The following KCND2 variants were observed in gnomAD, a reference collection of about 807,000 sequenced individuals.
The protein encoded by KCND2 is A-type voltage-gated potassium channel KCND2.
KCND2 carries 16 observed loss-of-function variants against 54.4 expected under a neutral mutation model. That is an observed-to-expected ratio of 0.29 (90% CI 0.20 to 0.45). The LOEUF (loss-of-function observed/expected upper bound fraction) is 0.45, where lower values mean the gene tolerates loss of function less well. Ranked by LOEUF, KCND2 falls within the 20% of genes least tolerant of loss-of-function variation. KCND2 has a pLI of 1.00. For missense variants in KCND2, 486 were observed against 824.2 expected (o/e 0.59, Z 5.02); for synonymous variants, 317 against 310.7 (o/e 1.02, Z -0.21).
At chr7:120,530,404 T>C (rs1011264565) in intron 1 of KCND2, among the ~76,000 whole-genome samples, 4 of 152,196 alleles carry the variant, frequency 2.6e-5, no homozygotes, top group African/African-American at 9.6e-5. Context: ...CCATTTTTTC[T>C]ACTCCTGAAA....
chr7:120,560,226 A>G (rs1358086802), intron 1 of KCND2, among the ~76,000 whole-genome samples: 1 of 152,228 alleles, frequency 6.6e-6, no homozygotes, highest in Non-Finnish European at 1.5e-5. Flanking sequence ...CCAAAGTCCC[A>G]GAAATCATTT....
rs145626165 is a variant in KCND2, at chr7:120,349,327, A to AACACACAC, written c.1115+73596_1115+73603dup. Among the ~76,000 whole-genome samples, 93 of 144,536 alleles carry AACACACAC rather than the reference A, an allele frequency of 6.4e-4. 1 individual carries two copies. The highest frequency in any genetic ancestry group is 1.5e-3 in the African/African-American group (58 of 38,556). The allele number at this position is 144,536 out of a possible 152,430, so 94.8% of individuals were successfully genotyped here. A position where few individuals can be genotyped will look rare whatever the true frequency, so the allele number is the denominator to read the frequency against. ...ACACACAAACACACACACACACACA[A>AACACACAC]ACACACACACACACACACACACAGA... On this transcript the variant is annotated intron_variant, in intron 1 of 5. Coordinates refer to ENST00000331113, the MANE Select transcript of KCND2 (RefSeq NM_012281.3).
intron 1 of KCND2, among the ~76,000 whole-genome samples, chr7:120,605,405 A>G (rs1330917567): frequency 6.6e-6 from 1 of 152,232 alleles, no homozygotes; most frequent in Non-Finnish European, 1.5e-5. Context: ...AGTACATTGT[A>G]TTCAGTGATA....
At chr7:120,563,429 A>G (rs1918465) in intron 1 of KCND2, among the ~76,000 whole-genome samples, 98,422 of 151,948 alleles carry the variant, frequency 0.65, 36,386 homozygotes, top group Middle Eastern at 0.86. Context: ...TTGTGTATAC[A>G]TGAAGCCTAG....
At chr7:120,423,725 A>G (rs1801660704) in intron 1 of KCND2, among the ~76,000 whole-genome samples, 1 of 152,200 alleles carries the variant, frequency 6.6e-6, no homozygotes, top group South Asian at 2.1e-4. Context: ...ATACTGCATT[A>G]CTGGCTCTTG....
At chr7:120,701,349 T>C (rs1792400534) in intron 1 of KCND2, among the ~76,000 whole-genome samples, 1 of 147,528 alleles carries the variant, frequency 6.8e-6, no homozygotes, top group African/African-American at 2.5e-5. Context: ...ATTTCCACCA[T>C]ATTTAAAGTC....
intron 1 of KCND2, among the ~76,000 whole-genome samples, chr7:120,673,865 A>C (rs1025293597): frequency 1.3e-5 from 2 of 150,382 alleles, no homozygotes; most frequent in African/African-American, 4.9e-5. Flanking sequence ...TCTTTCCTTC[A>C]TGCCTTTTTC....
Position 120,638,485 on chromosome 7 carries a change from G to T in KCND2, c.1116-94418G>T, listed in dbSNP as rs566436929. Among the ~76,000 whole-genome samples, 4 of 152,228 alleles carry T rather than the reference G, an allele frequency of 2.6e-5. No homozygotes were observed. In the South Asian group the frequency reaches 8.3e-4, roughly 32 times the overall value. ...CCCCTGCCATCTGGGGAGGGATTTGGATGCTCTACCTAATAACCAGATATT... is the reference window on the plus strand; with the variant it reads ...CCCCTGCCATCTGGGGAGGGATTTGTATGCTCTACCTAATAACCAGATATT... On this transcript the variant is annotated intron_variant, in intron 1 of 5. Transcript: ENST00000331113.
At chr7:120,579,617 TAAA>T (rs1792487869) in intron 1 of KCND2, among the ~76,000 whole-genome samples, 1 of 127,296 alleles carries the variant, frequency 7.9e-6, no homozygotes, top group Non-Finnish European at 1.5e-5. Flanking sequence ...AATAAATAAA[TAAA>T]TAAATAAATA....
chr7:120,745,700 A>G, intron 4 of KCND2, 80 bp from the exon 5 acceptor site: 9 of 1,459,508 alleles, frequency 6.2e-6, no homozygotes, highest in Non-Finnish European at 8.6e-6. Flanking sequence ...GGCAGATTTG[A>G]GCTTTAAAAA....
At chr7:120,713,154 C>T (rs1792562290) in intron 1 of KCND2, among the ~76,000 whole-genome samples, 1 of 152,100 alleles carries the variant, frequency 6.6e-6, no homozygotes, top group South Asian at 2.1e-4. Context: ...GCATAGTGTC[C>T]AATAAATGTT....
chr7:120,389,166 C>T (rs1283843767), intron 1 of KCND2, among the ~76,000 whole-genome samples: 1 of 151,686 alleles, frequency 6.6e-6, no homozygotes, highest in Non-Finnish European at 1.5e-5. Flanking sequence ...TCATATAGCG[C>T]TTTTGGTAGG....
chr7:120,580,640 G>A (rs1209000095), intron 1 of KCND2, among the ~76,000 whole-genome samples: 3 of 152,058 alleles, frequency 2.0e-5, no homozygotes, highest in Non-Finnish European at 2.9e-5. Context: ...CTTTTTCTTA[G>A]AACTTGTGTT....
At chr7:120,312,450 C>A (rs1422180044) in intron 1 of KCND2, among the ~76,000 whole-genome samples, 1 of 152,000 alleles carries the variant, frequency 6.6e-6, no homozygotes, top group East Asian at 1.9e-4. Flanking sequence ...TAATTTTTAG[C>A]CACATTTTAT....
intron 1 of KCND2, among the ~76,000 whole-genome samples, chr7:120,441,530 A>G (rs1801945401): frequency 6.6e-6 from 1 of 152,150 alleles, no homozygotes; most frequent in Non-Finnish European, 1.5e-5. Context: ...TTATTATGTA[A>G]AGATTAATAT....
intron 1 of KCND2, among the ~76,000 whole-genome samples, chr7:120,691,795 G>GAT (rs757268284): frequency 3.2e-4 from 49 of 152,280 alleles, no homozygotes; most frequent in Non-Finnish European, 6.3e-4. Context: ...AAATGGTGCT[G>GAT]ATACTGGGAG....
chr7:120,495,840 A>G (rs1286503249), intron 1 of KCND2, among the ~76,000 whole-genome samples: 1 of 152,152 alleles, frequency 6.6e-6, no homozygotes, highest in Non-Finnish European at 1.5e-5. Context: ...TGCAGCAAAA[A>G]TGGTTAAGAA....
intron 1 of KCND2, among the ~76,000 whole-genome samples, chr7:120,321,727 T>A (rs916419198): frequency 2.6e-5 from 4 of 152,158 alleles, no homozygotes; most frequent in Non-Finnish European, 1.5e-5. Flanking sequence ...TCTTTACATA[T>A]ACTGCCTAAT....
intron 1 of KCND2, among the ~76,000 whole-genome samples, chr7:120,479,572 T>C (rs1459394456): frequency 2.0e-5 from 3 of 151,690 alleles, no homozygotes; most frequent in Non-Finnish European, 4.4e-5. Flanking sequence ...GGAAATAAAA[T>C]GGTGTTTTCT....
Sources: allele counts gnomAD v4.1 joint callset (sites outside exome capture counted in the v4.1 genomes callset), GRCh38; gene constraint gnomAD v4.1.1; transcripts MANE v1.5; gene names NCBI Gene and HGNC (gene_info 2026-07-23, HGNC 2026-07-21).